The following ACTR3C variants were observed in gnomAD, a reference collection of about 807,000 sequenced individuals.
ACTR3C encodes actin related protein 3C.
ACTR3C carries 18 observed loss-of-function variants against 26.3 expected under a neutral mutation model. The ratio of observed to expected loss-of-function variants is 0.68; its 90% CI spans 0.47 to 1.01. The LOEUF (loss-of-function observed/expected upper bound fraction) is 1.01, where lower values mean the gene tolerates loss of function less well. Ranked by LOEUF, ACTR3C falls within the 50% of genes least tolerant of loss-of-function variation. The probability of loss-of-function intolerance (pLI) is 0.00; values close to 1 mark genes in which losing one functional copy is unlikely to be tolerated. For synonymous variants in ACTR3C, 55 were observed against 94.5 expected, an observed-to-expected ratio of 0.58 and a Z score of 2.42; for missense variants, 184 against 250.7, an observed-to-expected ratio of 0.73 and a Z score of 1.80.
chr7:150,069,582 A>G, the ACTR3C span, among the ~76,000 whole-genome samples: 2 of 152,110 alleles, frequency 1.3e-5, no homozygotes, highest in Non-Finnish European at 2.9e-5. Flanking sequence ...GATAAAAGCC[A>G]GGGAGAGGTA....
the ACTR3C span, among the ~76,000 whole-genome samples, chr7:150,121,721 AG>A: frequency 6.6e-6 from 1 of 150,978 alleles, no homozygotes; most frequent in East Asian, 1.9e-4. Flanking sequence ...TCACAGAATT[AG>A]AAAAAACTAC....
the ACTR3C span, among the ~76,000 whole-genome samples, chr7:149,974,959 C>G: frequency 2.0e-5 from 3 of 152,144 alleles, no homozygotes; most frequent in African/African-American, 7.2e-5. Flanking sequence ...ACAATATGGC[C>G]TTAGAAAAAG....
chr7:150,157,049 C>G, the ACTR3C span, among the ~76,000 whole-genome samples: 1 of 148,008 alleles, frequency 6.8e-6, no homozygotes, highest in East Asian at 2.0e-4. Flanking sequence ...CAGTTGTTCT[C>G]TGAAATACAA....
the ACTR3C span, among the ~76,000 whole-genome samples, chr7:149,960,537 T>C: frequency 6.6e-6 from 1 of 152,174 alleles, no homozygotes; most frequent in Non-Finnish European, 1.5e-5. Flanking sequence ...AGGGAACATT[T>C]GGGAACACCA....
chr7:150,007,492 A>C, the ACTR3C span, among the ~76,000 whole-genome samples: 36 of 152,328 alleles, frequency 2.4e-4, no homozygotes, highest in Middle Eastern at 3.4e-3. Context: ...TGTGCTAGTG[A>C]AATCTGCTAC....
chr7:150,233,878 A>G, the ACTR3C span, among the ~76,000 whole-genome samples: 1 of 151,914 alleles, frequency 6.6e-6, no homozygotes, highest in African/African-American at 2.4e-5. Flanking sequence ...TTTTTTTCAT[A>G]CCTTAAAATT....
the ACTR3C span, among the ~76,000 whole-genome samples, chr7:150,133,746 GTT>G: frequency 1.3e-5 from 2 of 151,966 alleles, no homozygotes; most frequent in East Asian, 3.9e-4. Context: ...GTGTTTGTTT[GTT>G]TGTTTGTGAG....
chr7:150,048,776 G>T, the ACTR3C span, among the ~76,000 whole-genome samples: 68 of 152,264 alleles, frequency 4.5e-4, no homozygotes, highest in Non-Finnish European at 8.1e-4. Flanking sequence ...CCAGGAGGGC[G>T]CGGGGTGGTC....
At chr7:150,024,713 G>A in the ACTR3C span, among the ~76,000 whole-genome samples, 2 of 133,506 alleles carry the variant, frequency 1.5e-5, no homozygotes, top group Admixed American at 7.8e-5. Flanking sequence ...TTGATGTCCT[G>A]TAATATCAGG....
the ACTR3C span, among the ~76,000 whole-genome samples, chr7:150,198,060 G>C: frequency 1.3e-5 from 2 of 151,358 alleles, no homozygotes; most frequent in African/African-American, 4.9e-5. Context: ...TGGCCGGGCC[G>C]GTCTCCAGCC....
At chr7:150,185,644 G>T in the ACTR3C span, among the ~76,000 whole-genome samples, 1 of 151,458 alleles carries the variant, frequency 6.6e-6, no homozygotes, top group Non-Finnish European at 1.5e-5. Context: ...AATATAAAGG[G>T]TGACTCCTAT....
Position 150,295,241 on chromosome 7 carries a change from A to G in ACTR3C, c.45+11T>C, listed in dbSNP as rs761860361. The G allele has an allele frequency of 1.1e-5, 17 of 1,613,598 alleles. No homozygotes were observed. Among genetic ancestry groups the G allele is most frequent in the South Asian group, 4.4e-5 (4 of 91,052 alleles). ...AGGTGCTTTAGGAATCACAAACATA[A>G]CTGGTTTTACCTGAACTGCAATGTA... On this transcript the variant is annotated intron_variant, in intron 2 of 7. Transcript: ENST00000683684.
chr7:149,962,018 C>T, the ACTR3C span, among the ~76,000 whole-genome samples: 6 of 151,986 alleles, frequency 3.9e-5, no homozygotes, highest in African/African-American at 1.5e-4. Flanking sequence ...CGGAAGTGTA[C>T]ACTCACAGGA....
the ACTR3C span, among the ~76,000 whole-genome samples, chr7:150,080,737 T>C: frequency 1.9e-3 from 284 of 152,224 alleles, 2 homozygotes; most frequent in Admixed American, 0.016. Flanking sequence ...CCAAAGTGAA[T>C]GAAGGTTCCA....
the ACTR3C span, among the ~76,000 whole-genome samples, chr7:150,166,921 G>A: frequency 7.3e-5 from 11 of 149,840 alleles, no homozygotes; most frequent in South Asian, 2.1e-4. Context: ...TTTTGTGCCC[G>A]GTTTATTTCA....
chr7:150,025,272 T>C, the ACTR3C span, among the ~76,000 whole-genome samples: 359 of 151,934 alleles, frequency 2.4e-3, 3 homozygotes, highest in Non-Finnish European at 3.7e-3. Flanking sequence ...CTCTAATCAG[T>C]ACACTCTACC....
intron 1 of ACTR3C, among the ~76,000 whole-genome samples, chr7:150,299,314 C>T (rs1438703334): frequency 6.6e-6 from 1 of 150,596 alleles, no homozygotes; most frequent in Non-Finnish European, 1.5e-5. Context: ...GGTGTGGTAG[C>T]CGGGTGTGTG....
At chr7:150,319,165 G>T in intron 1 of ACTR3C, among the ~76,000 whole-genome samples, 1 of 151,822 alleles carries the variant, frequency 6.6e-6, no homozygotes, top group South Asian at 2.1e-4. Flanking sequence ...GAGTGACTCT[G>T]AAATTTATTC....
At chr7:150,184,051 C>A in the ACTR3C span, among the ~76,000 whole-genome samples, 1 of 150,638 alleles carries the variant, frequency 6.6e-6, no homozygotes, top group Non-Finnish European at 1.5e-5. Flanking sequence ...AATTAAACTT[C>A]TTTTCTTTAT....
Sources: allele counts gnomAD v4.1 joint callset (sites outside exome capture counted in the v4.1 genomes callset), GRCh38; gene constraint gnomAD v4.1.1; transcripts MANE v1.5; gene names NCBI Gene and HGNC (gene_info 2026-07-23, HGNC 2026-07-21).